CD24: variants seen among roughly 807,000 people sequenced by gnomAD.
The protein encoded by CD24 is CD24 molecule, also known as signal transducer CD24.
CD24 carries 2 observed loss-of-function variants against 3.6 expected under a neutral mutation model. That is an observed-to-expected ratio of 0.56 (90% CI 0.23 to 1.77). CD24 has a LOEUF of 1.77. Ranked by LOEUF, CD24 falls within the 40% of genes most tolerant of loss-of-function variation. The pLI is 0.18. For missense variants in CD24, 62 were observed against 93.6 expected (o/e 0.66, Z 1.39); for synonymous variants, 33 against 44.9 (o/e 0.74, Z 1.06).
intron 1 of CD24, among the ~76,000 whole-genome samples, chr6:106,974,192 G>A (rs973792609): frequency 6.6e-4 from 101 of 152,270 alleles, no homozygotes; most frequent in African/African-American, 2.4e-3. Context: ...AGTCCTCAGG[G>A]ACCCAGGGAC....
chr6:106,972,082 A>C (rs1047375105), intron 1 of CD24, among the ~76,000 whole-genome samples: 2 of 152,194 alleles, frequency 1.3e-5, no homozygotes, highest in Admixed American at 6.5e-5. Flanking sequence ...TTATTCAATA[A>C]CTATAACTCC....
At chr6:106,974,470 T>C (rs1281154888) in intron 1 of CD24, 108 bp downstream of exon 1, 1 of 613,474 alleles carries the variant, frequency 1.6e-6, no homozygotes, top group Non-Finnish European at 2.6e-6. Flanking sequence ...CCGGTCCCTG[T>C]CCGTGGCCCG....
chr6:106,975,899 C>G (rs1773101818), upstream of CD24, among the ~76,000 whole-genome samples: 1 of 152,256 alleles, frequency 6.6e-6, no homozygotes, highest in Non-Finnish European at 1.5e-5. Flanking sequence ...ATTTACTTAT[C>G]CGTAGTTGCC....
chr6:106,974,538 G>A (rs1773057131), intron 1 of CD24, 40 bp downstream of exon 1: 5 of 1,285,162 alleles, frequency 3.9e-6, no homozygotes, highest in Admixed American at 3.8e-5. Flanking sequence ...CCCCCACCCC[G>A]GGAACGGCCC....
At chr6:106,976,516 T>A (rs1057454578), upstream of CD24, among the ~76,000 whole-genome samples, 4 of 152,144 alleles carry the variant, frequency 2.6e-5, no homozygotes, top group Non-Finnish European at 5.9e-5. Flanking sequence ...CGAGCACCAG[T>A]GGACTTTCCT....
In CD24 at chr6:106,971,605, T is replaced by G. The variant is rs1337997075; in HGVS notation, c.*56A>C. 4.1e-6 allele frequency: 6 copies of G among 1,462,070 alleles called. No individual in the cohort carries two copies. In the African/African-American group the frequency reaches 7.1e-5, roughly 17 times the overall value. 90.6% of individuals were successfully genotyped at this position (1,462,070 alleles called of 1,614,324 possible). The stretch of plus-strand genomic sequence containing the variant: ...GCCACATTGGACTTCCAGACGCCAT[T>G]TGGATTGGGTTTAGAAGATGGGGAA... On this transcript the variant is annotated 3_prime_UTR_variant, in exon 2 of 2. Coordinates refer to ENST00000606017, the MANE Select transcript of CD24 (RefSeq NM_001359084.1).
At chr6:106,972,975 C>G (rs1390849084) in intron 1 of CD24, among the ~76,000 whole-genome samples, 3 of 152,128 alleles carry the variant, frequency 2.0e-5, no homozygotes, top group African/African-American at 7.2e-5. Flanking sequence ...AAATCTTGAT[C>G]AAGTCAAATT....
intron 1 of CD24, 148 bp downstream of exon 1, chr6:106,974,430 C>G: frequency 1.9e-6 from 1 of 531,636 alleles, no homozygotes; most frequent in Non-Finnish European, 3.2e-6. Context: ...ACATGGCCCT[C>G]TCCCCTGGTC....
At position 106,970,949 on chromosome 6, in the gene CD24, A is replaced by G. The variant is rs1344251566; in HGVS notation, c.*712T>C. ...TAGGAAATGCCTACCATTTGACTCA[A>G]TATGGATAATCAAGAGTTGCTCAGG... On this transcript the variant is annotated 3_prime_UTR_variant, in exon 2 of 2. Transcript: ENST00000606017. 6.6e-6 allele frequency: 1 copy of G among 152,266 alleles called. No individual in the cohort carries two copies. The highest frequency in any genetic ancestry group is 1.5e-5 in the Non-Finnish European group (1 of 68,084). 9.4% of individuals were successfully genotyped at this position (152,266 alleles called of 1,614,324 possible).
At chr6:106,975,354 G>GGGCCGGACGCTCACCCT (rs1415083356), upstream of CD24, 3 of 150,516 alleles carry the variant, frequency 2.0e-5, no homozygotes, top group Non-Finnish European at 2.9e-5. Context: ...GCGCGGACGC[G>GGGCCGGACGCTCACCCT]GGCCGGACGC....
intron 1 of CD24, chr6:106,974,067 T>A (rs2114900863): frequency 2.5e-6 from 1 of 396,338 alleles, no homozygotes; most frequent in East Asian, 3.6e-5. Flanking sequence ...TTCTCCGGGA[T>A]ACCCAATCCA....
rs1366001081 is a variant in CD24 at position 106,970,799 on chromosome 6, G to A, written c.*862C>T. Reference sequence around the variant, plus strand: ...TGCACTCCGGCCTGGGCGACAAAGTGAGACTGTCTAAAAAATAATAATAAT... The same window carrying A: ...TGCACTCCGGCCTGGGCGACAAAGTAAGACTGTCTAAAAAATAATAATAAT... On this transcript the variant is annotated 3_prime_UTR_variant, in exon 2 of 2. Coordinates refer to ENST00000606017, the MANE Select transcript of CD24 (RefSeq NM_001359084.1). 6.6e-6 allele frequency: 1 copy of A among 152,220 alleles called. No individual in the cohort carries two copies. Among genetic ancestry groups the A allele is most frequent in the Non-Finnish European group, 1.5e-5 (1 of 68,052 alleles). The allele number at this position is 152,220 out of a possible 1,614,324, so 9.4% of individuals were successfully genotyped here.
At chr6:106,973,070 T>C (rs1773012482) in intron 1 of CD24, among the ~76,000 whole-genome samples, 1 of 152,152 alleles carries the variant, frequency 6.6e-6, no homozygotes, top group Admixed American at 6.5e-5. Flanking sequence ...ATTAATATGG[T>C]AATTTACTTA....
chr6:106,974,564 C>A lies in CD24; in HGVS notation c.69+14G>T. The A allele has an allele frequency of 7.0e-7, 1 of 1,421,296 alleles. No individual in the cohort carries two copies. The highest frequency in any genetic ancestry group is 9.2e-7 in the Non-Finnish European group (1 of 1,090,564). 88.0% of individuals were successfully genotyped at this position (1,421,296 alleles called of 1,614,324 possible). ...GGAACGGCCCTCGAGCCCCGCCGGG[C>A]GCCAGGGCCTCACCTGCGTGGGTAG... On this transcript the variant is annotated intron_variant, in intron 1 of 1. Coordinates refer to ENST00000606017, the MANE Select transcript of CD24 (RefSeq NM_001359084.1).
rs1251157725 is a variant in CD24 at position 106,974,695 on chromosome 6, G to C, written c.-49C>G. ...CGTCTAGCAGGATGCTGGGTGCTTG[G>C]AGAACCGCTGGCTCCGGGCGGGCGC... is the stretch of plus-strand genomic sequence containing the variant. On this transcript the variant is annotated 5_prime_UTR_variant, in exon 1 of 2. Transcript: ENST00000606017. 8.8e-6 allele frequency: 13 copies of C among 1,481,774 alleles called. No individual in the cohort carries two copies. The African/African-American group carries it at 1.8e-4, about 20-fold the overall frequency. 91.8% of individuals were successfully genotyped at this position (1,481,774 alleles called of 1,614,324 possible).
chr6:106,972,638 C>A (rs1376875238), intron 1 of CD24, among the ~76,000 whole-genome samples: 7 of 152,126 alleles, frequency 4.6e-5, no homozygotes, highest in Admixed American at 4.6e-4. Flanking sequence ...GCATCATTCA[C>A]CACTGATTTT....
chr6:106,976,166 T>G (rs1773105613), upstream of CD24, among the ~76,000 whole-genome samples: 1 of 152,262 alleles, frequency 6.6e-6, no homozygotes, highest in African/African-American at 2.4e-5. Context: ...GTTGTAAATT[T>G]GTTTAAATTT....
chr6:106,976,802 G>A (rs1048268799), upstream of CD24, among the ~76,000 whole-genome samples: 4 of 152,124 alleles, frequency 2.6e-5, no homozygotes, highest in Non-Finnish European at 4.4e-5. Flanking sequence ...GAGAGGTGGA[G>A]GTTGCAGTGA....
At position 106,970,060 on chromosome 6, in the gene CD24, T is replaced by C. The variant is rs1310698334; in HGVS notation, c.*1601A>G. On this transcript the variant is annotated 3_prime_UTR_variant, in exon 2 of 2. Coordinates refer to ENST00000606017, the MANE Select transcript of CD24 (RefSeq NM_001359084.1). The stretch of plus-strand genomic sequence containing the variant: ...TTTCTAAAGATGGAAAAAAAGGACT[T>C]TGGTCATCAAGACTACTGTGGCCAT... 4 of 152,640 alleles carry C rather than the reference T, an allele frequency of 2.6e-5. No individual in the cohort carries two copies. Among genetic ancestry groups the C allele is most frequent in the African/African-American group, 9.7e-5 (4 of 41,444 alleles). The allele number at this position is 152,640 out of a possible 1,614,324, so 9.5% of individuals were successfully genotyped here. A position where few individuals can be genotyped will look rare whatever the true frequency, so the allele number is the denominator to read the frequency against.
Sources: gnomAD v4.1 joint callset for allele counts (sites outside exome capture counted in the v4.1 genomes callset) on GRCh38, gnomAD v4.1.1 for gene constraint, MANE v1.5 for transcripts, NCBI Gene and HGNC (gene_info 2026-07-23, HGNC 2026-07-21) for gene names.